Variants in PCAT7 observed in about 807,000 individuals in gnomAD.
PCAT7 encodes prostate cancer associated transcript 7, also known as prostate cancer associated transcript 7 (non-protein coding).
In PCAT7 at chr9:94,562,138, C is replaced by T. The variant is rs938745517; in HGVS notation, n.441+2986C>T. Among the ~76,000 whole-genome samples the T allele has an allele frequency of 1.3e-4, 20 of 151,770 alleles. No individual in the cohort carries two copies. The South Asian group carries it at 3.1e-3, about 24-fold the overall frequency. On this transcript the variant is annotated intron_variant and non_coding_transcript_variant, in intron 2 of 8. Coordinates refer to ENST00000647389, the Ensembl canonical transcript of PCAT7. Reference sequence around the variant, plus strand: ...CATCCTGGCTAACATGGTGAAACCCCGTCTCTACTAAAAATACAAAAAATT... The same window carrying T: ...CATCCTGGCTAACATGGTGAAACCCTGTCTCTACTAAAAATACAAAAAATT...
chr9:94,555,357 G>C (rs1279584269), intron 1 of PCAT7: 1 of 151,972 alleles, frequency 6.6e-6, no homozygotes, highest in African/African-American at 2.4e-5. Flanking sequence ...TGGGTAAAGA[G>C]TGTGGTTAGT....
At chr9:94,555,777 T>TA (rs1187891137) in intron 1 of PCAT7, among the ~76,000 whole-genome samples, 4 of 149,124 alleles carry the variant, frequency 2.7e-5, no homozygotes, top group African/African-American at 9.9e-5. Flanking sequence ...AGATGGTAGG[T>TA]AAAAAGTGTT....
At chr9:94,566,691 G>A (rs1827194574) in intron 2 of PCAT7, among the ~76,000 whole-genome samples, 2 of 152,042 alleles carry the variant, frequency 1.3e-5, no homozygotes, top group South Asian at 2.1e-4. Context: ...TCTTGGCAGG[G>A]CACCCATTTT....
At chr9:94,558,937 G>T in intron 1 of PCAT7, 1 of 1,613,958 alleles carries the variant, frequency 6.2e-7, no homozygotes, top group Non-Finnish European at 8.5e-7. Flanking sequence ...GGTCAAACTC[G>T]CTAGCTGCCT....
At position 94,566,359 on chromosome 9, in the gene PCAT7, C is replaced by T. The variant is rs548478343; in HGVS notation, n.442-6620C>T. ...ACCTGGCCCGCCCAGGGTGGAAAAC[C>T]GCTTAAAGGCATTCTTAAGCCACAA... On this transcript the variant is annotated intron_variant and non_coding_transcript_variant, in intron 2 of 8. Transcript: ENST00000647389. 2.0e-3 allele frequency among the ~76,000 whole-genome samples: 306 copies of T among 152,316 alleles called. 1 individual carries two copies. The highest frequency in any genetic ancestry group is 7.0e-3 in the African/African-American group (293 of 41,574).
chr9:94,563,902 C>G (rs1044019417), intron 2 of PCAT7, among the ~76,000 whole-genome samples: 1 of 152,164 alleles, frequency 6.6e-6, no homozygotes, highest in Admixed American at 6.5e-5. Flanking sequence ...AAGGACATTA[C>G]ATAATGGTAA....
At chr9:94,566,907 T>C (rs370515922) in intron 2 of PCAT7, among the ~76,000 whole-genome samples, 1 of 152,310 alleles carries the variant, frequency 6.6e-6, no homozygotes, top group African/African-American at 2.4e-5. Context: ...GCCTCTCATA[T>C]AATTATTTAT....
chr9:94,562,118 T>C (rs1233102974), intron 2 of PCAT7, among the ~76,000 whole-genome samples: 1 of 151,988 alleles, frequency 6.6e-6, no homozygotes, highest in Non-Finnish European at 1.5e-5. Flanking sequence ...GAGACCATCC[T>C]GGCTAACATG....
chr9:94,562,082 C>T (rs1036441948), intron 2 of PCAT7, among the ~76,000 whole-genome samples: 25 of 152,040 alleles, frequency 1.6e-4, no homozygotes, highest in East Asian at 3.9e-4. Context: ...GAGGCCAAGG[C>T]GGGCGGATCA....
At chr9:94,563,047 C>T (rs1041707982) in intron 2 of PCAT7, among the ~76,000 whole-genome samples, 1 of 152,232 alleles carries the variant, frequency 6.6e-6, no homozygotes, top group Non-Finnish European at 1.5e-5. Flanking sequence ...AAGTCAGATG[C>T]AGCCTGTGGA....
chr9:94,569,231 G>C (rs567056078), intron 2 of PCAT7: 2 of 152,422 alleles, frequency 1.3e-5, no homozygotes, highest in East Asian at 3.9e-4. Context: ...TTTGAAACCT[G>C]AGTGAGAGGC....
chr9:94,560,009 C>T (rs10761335), intron 2 of PCAT7, among the ~76,000 whole-genome samples: 67,026 of 151,966 alleles, frequency 0.44, 15,684 homozygotes, highest in Admixed American at 0.54. Flanking sequence ...CCTGTGATCC[C>T]AGCTATTCAG....
At chr9:94,559,227 G>A (rs984233052) in intron 2 of PCAT7, 35 of 1,010,358 alleles carry the variant, frequency 3.5e-5, no homozygotes, top group African/African-American at 2.1e-4. Context: ...GTACTGCGGT[G>A]CTTCCATCTG....
intron 2 of PCAT7, chr9:94,569,363 T>C (rs1215247467): frequency 2.0e-5 from 3 of 152,260 alleles, no homozygotes; most frequent in Non-Finnish European, 2.9e-5. Flanking sequence ...TTCCCATCAA[T>C]GCAGTAACTC....
At chr9:94,566,811 C>T (rs961120092) in intron 2 of PCAT7, among the ~76,000 whole-genome samples, 3 of 152,188 alleles carry the variant, frequency 2.0e-5, no homozygotes, top group Non-Finnish European at 2.9e-5. Context: ...AGCATCTGAA[C>T]TTGATGGAGC....
At chr9:94,555,258 C>G (rs10993244) in exon 1 of PCAT7, 10,523 of 152,014 alleles carry the variant, frequency 0.069, 457 homozygotes, top group Non-Finnish European at 0.11. Flanking sequence ...CGTGGCGCGG[C>G]TCGCCTCGCT....
intron 3 of PCAT7, among the ~76,000 whole-genome samples, chr9:94,573,268 G>T (rs1056636393): frequency 6.6e-6 from 1 of 152,158 alleles, no homozygotes; most frequent in African/African-American, 2.4e-5. Context: ...AAGACTTTCT[G>T]TTTTTTCAGA....
At chr9:94,558,816 T>C (rs1388599740) in intron 1 of PCAT7, 1 of 891,818 alleles carries the variant, frequency 1.1e-6, no homozygotes, top group Non-Finnish European at 1.8e-6. Flanking sequence ...GTTGCTCTTC[T>C]GTATGTGATT....
chr9:94,558,558 G>C (rs895588904), intron 1 of PCAT7, among the ~76,000 whole-genome samples: 3 of 152,178 alleles, frequency 2.0e-5, no homozygotes, highest in Non-Finnish European at 4.4e-5. Context: ...CTCCCAAAGT[G>C]CTGGGATTAC....
Sources: allele counts gnomAD v4.1 joint callset (sites outside exome capture counted in the v4.1 genomes callset), GRCh38; gene constraint gnomAD v4.1.1; transcripts MANE v1.5; gene names NCBI Gene and HGNC (gene_info 2026-07-23, HGNC 2026-07-21).